Variants in TNRC6A observed in about 807,000 individuals in gnomAD.
The protein encoded by TNRC6A is trinucleotide repeat-containing gene 6A protein.
A neutral mutation model predicts 221.2 loss-of-function variants in TNRC6A; 44 were observed. The ratio of observed to expected loss-of-function variants is 0.20; its 90% CI spans 0.16 to 0.26. TNRC6A has a LOEUF of 0.26. Ranked by LOEUF, TNRC6A falls within the 10% of genes least tolerant of loss-of-function variation. TNRC6A has a pLI of 1.00. For missense variants in TNRC6A, 2,199 were observed against 2,404.4 expected, an observed-to-expected ratio of 0.91 and a Z score of 1.79; for synonymous variants, 847 against 838.5, an observed-to-expected ratio of 1.01 and a Z score of -0.18.
At chr16:24,611,028 G>C (rs1414193066) in intron 1 of TNRC6A, among the ~76,000 whole-genome samples, 2 of 152,012 alleles carry the variant, frequency 1.3e-5, no homozygotes, top group African/African-American at 2.4e-5. Flanking sequence ...GGCCAGGCTG[G>C]TTTCGAACTC....
intron 1 of TNRC6A, among the ~76,000 whole-genome samples, chr16:24,618,889 C>T (rs954748323): frequency 1.3e-5 from 2 of 152,010 alleles, no homozygotes; most frequent in African/African-American, 2.4e-5. Flanking sequence ...CTCGGCCTCC[C>T]GAAGTGCTAG....
At chr16:24,720,397 A>C (rs1239917538) in intron 2 of TNRC6A, among the ~76,000 whole-genome samples, 2 of 151,956 alleles carry the variant, frequency 1.3e-5, no homozygotes, top group Non-Finnish European at 2.9e-5. Context: ...GTCTCAAAAA[A>C]AGAAAAAGAG....
intron 2 of TNRC6A, among the ~76,000 whole-genome samples, chr16:24,715,966 G>A (rs552705973): frequency 6.6e-6 from 1 of 151,984 alleles, no homozygotes; most frequent in South Asian, 2.1e-4. Context: ...ACAGTTTTTA[G>A]CTAAAGACCC....
chr16:24,702,692 TCC>T (rs2056010776), intron 2 of TNRC6A, among the ~76,000 whole-genome samples: 1 of 151,892 alleles, frequency 6.6e-6, no homozygotes, highest in African/African-American at 2.4e-5. Flanking sequence ...GCTGTGATCA[TCC>T]CACCGCACTT....
At chr16:24,805,816 G>A (rs2058419831) in intron 15 of TNRC6A, 83 bp downstream of exon 15, 2 of 1,568,156 alleles carry the variant, frequency 1.3e-6, no homozygotes, top group South Asian at 1.2e-5. Flanking sequence ...GCGGGACATA[G>A]TGCACTAAAC....
chr16:24,626,391 C>A (rs564485284), intron 1 of TNRC6A, among the ~76,000 whole-genome samples: 1 of 152,178 alleles, frequency 6.6e-6, no homozygotes, highest in South Asian at 2.1e-4. Flanking sequence ...GCCAGCACCC[C>A]AGAAGCTGCC....
chr16:24,821,965 G>A (rs2058774174), intron 22 of TNRC6A, 112 bp from the exon 23 acceptor site: 2 of 1,007,312 alleles, frequency 2.0e-6, no homozygotes, highest in Non-Finnish European at 1.6e-6. Flanking sequence ...AGCCTCCCAT[G>A]TAGAAGTGCA....
At chr16:24,821,406 A>C (rs919023463) in intron 22 of TNRC6A, among the ~76,000 whole-genome samples, 1 of 152,218 alleles carries the variant, frequency 6.6e-6, no homozygotes, top group African/African-American at 2.4e-5. Flanking sequence ...CAGACACCGG[A>C]GAAAGCACAA....
At chr16:24,717,555 G>A (rs1031729917) in intron 2 of TNRC6A, among the ~76,000 whole-genome samples, 8 of 152,100 alleles carry the variant, frequency 5.3e-5, no homozygotes, top group Non-Finnish European at 1.0e-4. Context: ...TGGATCTGGC[G>A]GCAGGCCCGA....
chr16:24,711,531 T>G (rs2056205887), intron 2 of TNRC6A, among the ~76,000 whole-genome samples: 1 of 152,216 alleles, frequency 6.6e-6, no homozygotes, highest in Non-Finnish European at 1.5e-5. Context: ...ATTCTTTCTA[T>G]GACTATAGAA....
At chr16:24,758,386 T>A in intron 4 of TNRC6A, 26 bp downstream of exon 4, 3 of 1,608,614 alleles carry the variant, frequency 1.9e-6, no homozygotes, top group Non-Finnish European at 2.6e-6. Flanking sequence ...CTATTTTTTA[T>A]CCCTTTTTTC....
chr16:24,647,910 C>T (rs1902377924), intron 2 of TNRC6A, among the ~76,000 whole-genome samples: 1 of 152,116 alleles, frequency 6.6e-6, no homozygotes, highest in African/African-American at 2.4e-5. Context: ...TGCACCCAGC[C>T]TATTTTCTAT....
At chr16:24,694,187 G>A (rs1017553697) in intron 2 of TNRC6A, among the ~76,000 whole-genome samples, 2 of 152,122 alleles carry the variant, frequency 1.3e-5, no homozygotes, top group Non-Finnish European at 2.9e-5. Context: ...CCCAGGGAAA[G>A]TGACAGTGCT....
chr16:24,816,853 C>T lies in TNRC6A; in HGVS notation c.4869C>T (p.Asn1623=). ...GTGAGCCATGGAAAGGTTATCCAAA[C>T]ATTGACCCTGAAACTGACCCTTACG... The part of the protein sequence containing the change: ...RPGEPWKGYP[N]IDPETDPYVT... The change falls in exon 20 of 25, where the codon AAC becomes AAT. Residue 1623 remains asparagine (N), a synonymous_variant. Coordinates refer to ENST00000395799, the MANE Select transcript of TNRC6A (RefSeq NM_014494.4). 6.2e-7 allele frequency: 1 copy of T among 1,613,904 alleles called. No individual in the cohort carries two copies. The highest frequency in any genetic ancestry group is 1.6e-4 in the Middle Eastern group (1 of 6,062).
intron 4 of TNRC6A, among the ~76,000 whole-genome samples, chr16:24,758,917 A>G (rs1374288053): frequency 6.6e-6 from 1 of 152,078 alleles, no homozygotes; most frequent in Non-Finnish European, 1.5e-5. Context: ...CAGGACACTA[A>G]TTCCTCTCAG....
At chr16:24,819,373 A>T (rs985463458) in intron 21 of TNRC6A, among the ~76,000 whole-genome samples, 1 of 152,092 alleles carries the variant, frequency 6.6e-6, no homozygotes, top group Non-Finnish European at 1.5e-5. Context: ...ATACCCACTC[A>T]TGTCTCCATT....
chr16:24,777,133 C>T lies in TNRC6A; in HGVS notation c.364C>T (p.Pro122Ser). The T allele has an allele frequency of 1.9e-6, 3 of 1,612,288 alleles. No individual in the cohort carries two copies. The change falls in exon 5 of 25, where the codon CCA becomes TCA. Residue 122 changes from proline (P) to serine (S), a missense_variant. Around this residue, in one of 8 missense-constraint regions of TNRC6A, gnomAD observed 1,405 missense variants for 1,400.2 expected, o/e 1.00. Transcript: ENST00000395799. ...ACAGCCGCAGCCGCAGCAGCAGCAGCCACAGCAGCAGCCACAGGCCTTGCC... is the reference window on the plus strand; with the variant it reads ...ACAGCCGCAGCCGCAGCAGCAGCAGTCACAGCAGCAGCCACAGGCCTTGCC... ...QPQPQPQQQQ[P>S]QQQPQALPRY...
intron 2 of TNRC6A, among the ~76,000 whole-genome samples, chr16:24,711,893 T>C (rs963062483): frequency 6.6e-6 from 1 of 152,122 alleles, no homozygotes; most frequent in African/African-American, 2.4e-5. Context: ...ACTCCTGGGC[T>C]CAAGCGATCC....
At chr16:24,693,857 C>T (rs1422437287) in intron 2 of TNRC6A, among the ~76,000 whole-genome samples, 1 of 151,952 alleles carries the variant, frequency 6.6e-6, no homozygotes, top group East Asian at 1.9e-4. Flanking sequence ...CCAAGACCGC[C>T]ACTGCACTCC....
Sources: gnomAD v4.1 joint callset for allele counts (sites outside exome capture counted in the v4.1 genomes callset) on GRCh38, gnomAD v4.1.1 for gene constraint, gnomAD v4.1.1 regional missense constraint, MANE v1.5 for transcripts, NCBI Gene and HGNC (gene_info 2026-07-23, HGNC 2026-07-21) for gene names.